PLCE1: variants seen among roughly 807,000 people sequenced by gnomAD.
PLCE1 encodes the protein 1-phosphatidylinositol 4,5-bisphosphate phosphodiesterase epsilon-1.
PLCE1 carries 119 observed loss-of-function variants against 242.8 expected under a neutral mutation model. The ratio of observed to expected loss-of-function variants is 0.49; its 90% confidence interval spans 0.42 to 0.57. The LOEUF (loss-of-function observed/expected upper bound fraction) is 0.57. Ranked by LOEUF, PLCE1 falls within the 20% of genes least tolerant of loss-of-function variation. PLCE1 has a pLI of 0.00. For synonymous variants in PLCE1, 945 were observed against 1,017.4 expected, an observed-to-expected ratio of 0.93 and a Z score of 1.35; for missense variants, 2,441 against 2,788.8, an observed-to-expected ratio of 0.88 and a Z score of 2.81.
chr10:94,069,946 T>C (rs995458602), intron 2 of PLCE1, among the ~76,000 whole-genome samples: 5 of 152,158 alleles, frequency 3.3e-5, no homozygotes, highest in Non-Finnish European at 7.3e-5. Context: ...ACCAGTTAAC[T>C]CAGAGCTCAA....
intron 5 of PLCE1, among the ~76,000 whole-genome samples, chr10:94,232,118 T>C (rs2050165423): frequency 6.6e-6 from 1 of 152,172 alleles, no homozygotes; most frequent in Non-Finnish European, 1.5e-5. Flanking sequence ...TCCTGTCTGG[T>C]GAGGGAAGAA....
rs2137327219 is a variant in PLCE1, at chr10:94,235,999, G to A, written c.2299G>A (p.Val767Ile). Residue 767 changes from valine to isoleucine, a missense_variant, in exon 7 of 33, where the codon GTC becomes ATC. Val to Ile is a conservative substitution (Grantham distance 29, BLOSUM62 3). Transcript: ENST00000371380. ...AAAGAATTCGGAGAAGGAGTCCACT[G>A]TCAACAGCATCTTTCAGGTCATCCG... ...GLKNSEKESTVNSIFQVIRSC... is the reference protein window; with the variant it reads ...GLKNSEKESTINSIFQVIRSC... 1 of 1,614,074 alleles carries A rather than the reference G, an allele frequency of 6.2e-7. No homozygotes were observed. The highest frequency in any genetic ancestry group is 8.5e-7 in the Non-Finnish European group (1 of 1,179,934).
intron 8 of PLCE1, among the ~76,000 whole-genome samples, chr10:94,252,071 A>G (rs184864096): frequency 9.8e-5 from 15 of 152,308 alleles, no homozygotes; most frequent in Admixed American, 9.8e-4. Flanking sequence ...TTTGTTCCCC[A>G]GTTGATGTAT....
chr10:94,088,331 C>G (rs2044921842), intron 2 of PLCE1: 1 of 152,242 alleles, frequency 6.6e-6, no homozygotes, highest in South Asian at 2.1e-4. Flanking sequence ...TATTCTGCCT[C>G]TGGCATCTCC....
At chr10:94,164,437 A>T (rs2136246615) in intron 3 of PLCE1, among the ~76,000 whole-genome samples, 1 of 152,220 alleles carries the variant, frequency 6.6e-6, no homozygotes, top group South Asian at 2.1e-4. Context: ...CTTCCAGTTG[A>T]TCAAATCAGC....
At chr10:94,120,341 G>A (rs2046263342) in intron 2 of PLCE1, among the ~76,000 whole-genome samples, 1 of 152,176 alleles carries the variant, frequency 6.6e-6, no homozygotes, top group Admixed American at 6.5e-5. Flanking sequence ...GTCTGTACTG[G>A]TTGTCTTAAA....
intron 2 of PLCE1, among the ~76,000 whole-genome samples, chr10:94,101,166 G>A (rs374425929): frequency 1.1e-4 from 16 of 152,290 alleles, no homozygotes; most frequent in South Asian, 8.3e-4. Flanking sequence ...ACAGCAAGGC[G>A]CTAGAAGGGT....
At chr10:94,105,257 A>C (rs1472497094) in intron 2 of PLCE1, 13 of 152,210 alleles carry the variant, frequency 8.5e-5, no homozygotes. Flanking sequence ...ACTCTAGGCC[A>C]ACTGAGTTGG....
chr10:94,073,121 C>T (rs1403533172), intron 2 of PLCE1, among the ~76,000 whole-genome samples: 1 of 152,126 alleles, frequency 6.6e-6, no homozygotes, highest in African/African-American at 2.4e-5. Flanking sequence ...CCCCAAACTT[C>T]CAGCATTTTC....
At chr10:94,026,051 A>T (rs996686387) in intron 1 of PLCE1, among the ~76,000 whole-genome samples, 1 of 152,168 alleles carries the variant, frequency 6.6e-6, no homozygotes, top group Non-Finnish European at 1.5e-5. Context: ...ACAAAAACAG[A>T]TGGCTTACCA....
intron 2 of PLCE1, among the ~76,000 whole-genome samples, chr10:94,068,945 A>G (rs755718654): frequency 6.6e-6 from 1 of 152,252 alleles, no homozygotes; most frequent in Non-Finnish European, 1.5e-5. Flanking sequence ...CCTCTTATTC[A>G]CTACCCTCTT....
At chr10:94,025,159 G>A (rs1331985955) in intron 1 of PLCE1, among the ~76,000 whole-genome samples, 1 of 151,956 alleles carries the variant, frequency 6.6e-6, no homozygotes, top group East Asian at 1.9e-4. Flanking sequence ...CCAATCAGCA[G>A]CAGAAGAAAG....
At chr10:94,190,209 G>C (rs919938357) in intron 4 of PLCE1, among the ~76,000 whole-genome samples, 1 of 152,226 alleles carries the variant, frequency 6.6e-6, no homozygotes, top group Non-Finnish European at 1.5e-5. Context: ...GTGCCCAGGA[G>C]GCAGAGGTTG....
In PLCE1 at chr10:94,306,728, T is replaced by G; in HGVS notation, c.5884+40T>G. 4 of 1,475,946 alleles carry G rather than the reference T, an allele frequency of 2.7e-6. No homozygotes were observed. The highest frequency in any genetic ancestry group is 2.0e-4 in the Middle Eastern group (1 of 5,028). 91.4% of individuals were successfully genotyped at this position (1,475,946 alleles called of 1,614,324 possible). ...TCCAAATGTTAATAATTGTTGTAGCTAGGTGATGGATGCCAGAATTTCCTT... is the reference window on the plus strand; with the variant it reads ...TCCAAATGTTAATAATTGTTGTAGCGAGGTGATGGATGCCAGAATTTCCTT... On this transcript the variant is annotated intron_variant, in intron 26 of 32. Coordinates refer to ENST00000371380, the MANE Select transcript of PLCE1 (RefSeq NM_016341.4). This position sits in a 1 kb window ranked among gnomAD's most constrained non-coding sequence, Gnocchi z 5.7.
intron 1 of PLCE1, among the ~76,000 whole-genome samples, chr10:94,018,357 G>C (rs1659154416): frequency 6.6e-6 from 1 of 152,166 alleles, no homozygotes; most frequent in South Asian, 2.1e-4. Context: ...TCCTGGGCTT[G>C]CCCAGGATAG....
intron 4 of PLCE1, among the ~76,000 whole-genome samples, chr10:94,184,258 G>A (rs527602479): frequency 7.2e-5 from 11 of 152,232 alleles, no homozygotes; most frequent in Admixed American, 1.3e-4. Flanking sequence ...CCCCCTTTGC[G>A]TTTGAAATAA....
At chr10:94,161,418 G>A (rs564442795) in intron 3 of PLCE1, among the ~76,000 whole-genome samples, 2 of 152,274 alleles carry the variant, frequency 1.3e-5, no homozygotes, top group African/African-American at 4.8e-5. Context: ...TCTCTTTGTA[G>A]CAATTGTGAA....
At chr10:94,143,822 T>G (rs953723895) in intron 3 of PLCE1, among the ~76,000 whole-genome samples, 1 of 152,248 alleles carries the variant, frequency 6.6e-6, no homozygotes, top group African/African-American at 2.4e-5. Context: ...TCATATTTCA[T>G]TGTGACAACA....
At chr10:94,262,843 G>A in intron 14 of PLCE1, 111 bp downstream of exon 14, 6 of 878,438 alleles carry the variant, frequency 6.8e-6, no homozygotes, top group South Asian at 6.6e-5. Context: ...TTTAAATCTG[G>A]GACAGATATA....
Sources: gnomAD v4.1 joint callset for allele counts (sites outside exome capture counted in the v4.1 genomes callset) on GRCh38, gnomAD v4.1.1 for gene constraint, Gnocchi (gnomAD v3.1) non-coding constraint, MANE v1.5 for transcripts, NCBI Gene and HGNC (gene_info 2026-07-23, HGNC 2026-07-21) for gene names.